The following PTPRN2 variants were observed in gnomAD, a reference collection of about 807,000 sequenced individuals.
PTPRN2 encodes the protein protein tyrosine phosphatase receptor type N2.
In PTPRN2, 74 loss-of-function variants were observed where a neutral mutation model predicts 118.8. The ratio of observed to expected loss-of-function variants is 0.62; its 90% CI spans 0.52 to 0.76. The LOEUF is 0.76. Among genes scored for constraint, PTPRN2 ranks in the 30% least tolerant of loss-of-function variants. The probability of loss-of-function intolerance (pLI) is 0.00; values close to 1 mark genes in which losing one functional copy is unlikely to be tolerated. For synonymous variants in PTPRN2, 641 were observed against 608.0 expected, an observed-to-expected ratio of 1.05 and a Z score of -0.80; for missense variants, 1,481 against 1,394.4, an observed-to-expected ratio of 1.06 and a Z score of -0.99.
At chr7:157,650,974 AG>A (rs1428451350) in intron 14 of PTPRN2, among the ~76,000 whole-genome samples, 2 of 152,190 alleles carry the variant, frequency 1.3e-5, no homozygotes, top group African/African-American at 4.8e-5. Context: ...GGCAGGCAGG[AG>A]GGCCGAAGTT....
chr7:157,949,610 C>T (rs979944860), intron 11 of PTPRN2, among the ~76,000 whole-genome samples: 3 of 152,224 alleles, frequency 2.0e-5, no homozygotes, highest in Non-Finnish European at 4.4e-5. Flanking sequence ...CAGGCCATCT[C>T]AGTCTCAGGT....
At chr7:157,961,257 C>T (rs777373828) in intron 11 of PTPRN2, among the ~76,000 whole-genome samples, 10 of 152,016 alleles carry the variant, frequency 6.6e-5, no homozygotes, top group African/African-American at 9.7e-5. Flanking sequence ...TAAGGTCAGG[C>T]GTGGTAGCTC....
rs1330758765 is a variant in PTPRN2, at chr7:158,486,648, A to G, written c.163+3087T>C. ...GAATTGACCCCCAGGGTCACTTTAA[A>G]GTTTCCAATCACGACTTCCTCCTGA... On this transcript the variant is annotated intron_variant, in intron 2 of 22. Transcript: ENST00000389418. Among the ~76,000 whole-genome samples, 10 of 152,214 alleles carry G rather than the reference A, an allele frequency of 6.6e-5. No homozygotes were observed. In the South Asian group the frequency reaches 2.1e-3, roughly 32 times the overall value.
At chr7:157,836,017 G>A (rs1807908372) in intron 12 of PTPRN2, among the ~76,000 whole-genome samples, 1 of 152,002 alleles carries the variant, frequency 6.6e-6, no homozygotes. Flanking sequence ...AAAGTAAGAG[G>A]CAAAAACAAA....
chr7:157,735,058 C>T (rs557046303), intron 12 of PTPRN2, among the ~76,000 whole-genome samples: 6 of 152,342 alleles, frequency 3.9e-5, no homozygotes, highest in African/African-American at 9.6e-5. Flanking sequence ...CCGCTGGCAC[C>T]GAGAGCACCT....
In PTPRN2 at chr7:157,874,928, G is replaced by C. The variant is rs116370520; in HGVS notation, c.1788+23745C>G. Among the ~76,000 whole-genome samples, 1,391 of 151,696 alleles carry C rather than the reference G, an allele frequency of 9.2e-3. 23 individuals are homozygous for C. The highest frequency in any genetic ancestry group is 0.032 in the African/African-American group (1,326 of 41,322). On this transcript the variant is annotated intron_variant, in intron 12 of 22. Transcript: ENST00000389418. The surrounding 1 kb of genome is among the most constrained non-coding windows in gnomAD (Gnocchi z 5.8). Reference sequence around the variant, plus strand: ...ACACACACACTCATGCACATACACAGAGAAACACTTGTGCACGGAGACACA... The same window carrying C: ...ACACACACACTCATGCACATACACACAGAAACACTTGTGCACGGAGACACA...
chr7:157,549,889 C>T (rs1798508389), intron 21 of PTPRN2, among the ~76,000 whole-genome samples: 2 of 152,196 alleles, frequency 1.3e-5, no homozygotes, highest in Non-Finnish European at 2.9e-5. Context: ...GGGTGCCAGG[C>T]ACTTCATGTC....
intron 6 of PTPRN2, among the ~76,000 whole-genome samples, chr7:158,156,937 A>C (rs1821873636): frequency 6.6e-6 from 1 of 151,396 alleles, no homozygotes; most frequent in Non-Finnish European, 1.5e-5. Flanking sequence ...GTGCTAACAC[A>C]GCGGACAGCA....
chr7:158,070,325 CGTGGTGTGGAGGTGCCCGTG>C (rs1811127772), intron 11 of PTPRN2, among the ~76,000 whole-genome samples: 2 of 140,408 alleles, frequency 1.4e-5, no homozygotes, highest in Admixed American at 1.4e-4. Flanking sequence ...TGGAGGTGCT[CGTGGTGTGGAGGTGCCCGTG>C]GTGGTGGAGG....
intron 3 of PTPRN2, among the ~76,000 whole-genome samples, chr7:158,266,940 T>C (rs1049349127): frequency 6.6e-6 from 1 of 152,158 alleles, no homozygotes; most frequent in Admixed American, 6.5e-5. Context: ...GTGGCCCAGC[T>C]GCCTCCACCC....
chr7:158,269,038 C>G (rs924789622), intron 3 of PTPRN2, among the ~76,000 whole-genome samples: 6 of 152,202 alleles, frequency 3.9e-5, no homozygotes, highest in African/African-American at 1.4e-4. Flanking sequence ...GCTTTGTTTT[C>G]TAGGAAGGAC....
chr7:157,816,328 G>A (rs777806184), intron 12 of PTPRN2, among the ~76,000 whole-genome samples: 1 of 152,194 alleles, frequency 6.6e-6, no homozygotes, highest in Non-Finnish European at 1.5e-5. Context: ...CAGGGTGAAT[G>A]AGTGATGGGT....
intron 12 of PTPRN2, among the ~76,000 whole-genome samples, chr7:157,867,875 A>G (rs1192941640): frequency 6.6e-6 from 1 of 152,164 alleles, no homozygotes; most frequent in East Asian, 1.9e-4. Context: ...GTCCGTGAGC[A>G]AAGGGCCGCA....
At chr7:158,352,200 T>C (rs376467315) in intron 2 of PTPRN2, among the ~76,000 whole-genome samples, 24 of 570 alleles carry the variant, frequency 0.042, 6 homozygotes, top group East Asian at 0.088. Context: ...CCCTCCTGAC[T>C]GCTCCCCTCC....
chr7:158,350,955 C>T (rs746406021), intron 2 of PTPRN2, among the ~76,000 whole-genome samples: 3 of 152,198 alleles, frequency 2.0e-5, no homozygotes, highest in Non-Finnish European at 4.4e-5. Context: ...AAATCCCACC[C>T]GGCACACCTG....
chr7:157,851,256 A>T (rs1383003614), intron 12 of PTPRN2, among the ~76,000 whole-genome samples: 1 of 152,250 alleles, frequency 6.6e-6, no homozygotes, highest in East Asian at 1.9e-4. Flanking sequence ...TAATCAGCAA[A>T]TGCACTGTTT....
chr7:158,152,868 C>T, intron 6 of PTPRN2, among the ~76,000 whole-genome samples: 1 of 146,430 alleles, frequency 6.8e-6, no homozygotes, highest in Non-Finnish European at 1.5e-5. Context: ...AGGCCACCAA[C>T]CAGTGGGACA....
chr7:157,853,542 G>C (rs1346595950), intron 12 of PTPRN2, among the ~76,000 whole-genome samples: 1 of 151,982 alleles, frequency 6.6e-6, no homozygotes, highest in African/African-American at 2.4e-5. Context: ...CAAGCCCCGT[G>C]ACCCTTTCTC....
At chr7:158,079,622 T>C (rs1812640797) in intron 11 of PTPRN2, among the ~76,000 whole-genome samples, 1 of 152,190 alleles carries the variant, frequency 6.6e-6, no homozygotes, top group South Asian at 2.1e-4. Flanking sequence ...AATCATGGGA[T>C]AATTATCAAT....
Sources: gnomAD v4.1 joint callset for allele counts (sites outside exome capture counted in the v4.1 genomes callset) on GRCh38, gnomAD v4.1.1 for gene constraint, Gnocchi (gnomAD v3.1) non-coding constraint, MANE v1.5 for transcripts, NCBI Gene and HGNC (gene_info 2026-07-23, HGNC 2026-07-21) for gene names.